The following PLCL2 variants were observed in gnomAD, a reference collection of about 807,000 sequenced individuals.
PLCL2 encodes the protein phospholipase C like 2, also known as inactive phospholipase C-like protein 2.
In PLCL2, 4 loss-of-function variants were observed where a neutral mutation model predicts 79.6. The ratio of observed to expected loss-of-function variants is 0.05; its 90% CI spans 0.02 to 0.11. The LOEUF (loss-of-function observed/expected upper bound fraction) is 0.11, where lower values mean the gene tolerates loss of function less well. Ranked by LOEUF, PLCL2 falls within the 10% of genes least tolerant of loss-of-function variation. The pLI is 1.00. For missense variants in PLCL2, 895 were observed against 1,291.0 expected (o/e 0.69, Z 4.70); for synonymous variants, 484 against 457.7 (o/e 1.06, Z -0.73).
At chr3:17,084,451 AAT>A (rs1419869363) in intron 5 of PLCL2, among the ~76,000 whole-genome samples, 1 of 152,214 alleles carries the variant, frequency 6.6e-6, no homozygotes, top group East Asian at 1.9e-4. Context: ...GTTTTACCTT[AAT>A]ACCAAACCAA....
intron 1 of PLCL2, among the ~76,000 whole-genome samples, chr3:16,903,232 AT>A (rs1210168876): frequency 4.6e-5 from 7 of 152,076 alleles, no homozygotes; most frequent in East Asian, 1.9e-4. Flanking sequence ...ATGATTAATA[AT>A]TTTTTCCCAT....
At chr3:16,964,086 A>G (rs941787259) in intron 1 of PLCL2, among the ~76,000 whole-genome samples, 1 of 152,174 alleles carries the variant, frequency 6.6e-6, no homozygotes, top group Non-Finnish European at 1.5e-5. Flanking sequence ...GGTTTGTTAC[A>G]TATGTATGCA....
At chr3:16,914,190 G>A (rs1696942639) in intron 1 of PLCL2, among the ~76,000 whole-genome samples, 1 of 152,154 alleles carries the variant, frequency 6.6e-6, no homozygotes. Context: ...AAAGTAGTTG[G>A]AGAGAAAATT....
At chr3:17,087,511 GA>G (rs2065232849) in intron 5 of PLCL2, among the ~76,000 whole-genome samples, 1 of 152,238 alleles carries the variant, frequency 6.6e-6, no homozygotes, top group Non-Finnish European at 1.5e-5. Flanking sequence ...AGTGGGGAAG[GA>G]TGACTAGCAA....
intron 1 of PLCL2, among the ~76,000 whole-genome samples, chr3:16,925,218 C>G (rs1236499449): frequency 7.3e-6 from 1 of 136,094 alleles, no homozygotes; most frequent in Non-Finnish European, 1.6e-5. Context: ...CCACCGCGCC[C>G]GGCCAGGGTT....
chr3:17,021,595 T>TACAC (rs35902619), intron 3 of PLCL2, among the ~76,000 whole-genome samples: 25,264 of 146,420 alleles, frequency 0.17, 2,477 homozygotes, highest in Non-Finnish European at 0.24. Flanking sequence ...AAAGTATTCT[T>TACAC]ACACACACAC....
chr3:16,908,618 G>A (rs2124926353), intron 1 of PLCL2, among the ~76,000 whole-genome samples: 1 of 152,228 alleles, frequency 6.6e-6, no homozygotes, highest in South Asian at 2.1e-4. Flanking sequence ...GGGAGGTGGT[G>A]GATAATCTTC....
At chr3:17,016,968 G>A (rs1339055657) in intron 3 of PLCL2, among the ~76,000 whole-genome samples, 1 of 152,216 alleles carries the variant, frequency 6.6e-6, no homozygotes, top group Non-Finnish European at 1.5e-5. Context: ...GGTGATAACA[G>A]CATAACAGGG....
In PLCL2 at chr3:16,896,178, T is replaced by C. The variant is rs191507757; in HGVS notation, c.327+10812T>C. 2.7e-3 allele frequency among the ~76,000 whole-genome samples: 413 copies of C among 152,350 alleles called. 3 individuals carry two copies. The highest frequency in any genetic ancestry group is 9.4e-3 in the African/African-American group (390 of 41,574). The stretch of plus-strand genomic sequence containing the variant: ...CAATTGGTTACTTCCTCCTGCACTA[T>C]TTAGGGCCGTGCCTTTTACAGTTTT... On this transcript the variant is annotated intron_variant, in intron 1 of 5. Coordinates refer to ENST00000615277, the MANE Select transcript of PLCL2 (RefSeq NM_001144382.2).
intron 5 of PLCL2, chr3:17,081,066 A>G: frequency 2.4e-6 from 1 of 423,402 alleles, no homozygotes; most frequent in Non-Finnish European, 4.8e-6. Flanking sequence ...CTCTAAACTC[A>G]GTGTCCTTTT....
intron 1 of PLCL2, among the ~76,000 whole-genome samples, chr3:16,980,256 C>T (rs1277111999): frequency 5.6e-5 from 8 of 143,390 alleles, no homozygotes; most frequent in Admixed American, 1.4e-4. Context: ...GATGGGGCGG[C>T]TGGCCGGGCG....
At chr3:17,076,557 C>T (rs1479224770) in intron 5 of PLCL2, among the ~76,000 whole-genome samples, 2 of 152,032 alleles carry the variant, frequency 1.3e-5, no homozygotes, top group African/African-American at 4.8e-5. Flanking sequence ...GGCTGGAGTG[C>T]AGTGGCGTGA....
intron 3 of PLCL2, among the ~76,000 whole-genome samples, chr3:17,026,829 TAC>T (rs2064522385): frequency 6.6e-6 from 1 of 151,916 alleles, no homozygotes; most frequent in South Asian, 2.1e-4. Flanking sequence ...ATCACACCAC[TAC>T]ACTCCAGTCT....
At chr3:16,937,301 A>G (rs1027381250) in intron 1 of PLCL2, among the ~76,000 whole-genome samples, 3 of 152,236 alleles carry the variant, frequency 2.0e-5, no homozygotes, top group African/African-American at 7.2e-5. Flanking sequence ...ATTAAATTTC[A>G]TAGCATTCCA....
chr3:16,931,037 A>C (rs558058173), intron 1 of PLCL2, among the ~76,000 whole-genome samples: 1 of 152,102 alleles, frequency 6.6e-6, no homozygotes, highest in Admixed American at 6.5e-5. Flanking sequence ...CTTGGAAGAT[A>C]ATGCTTCCTG....
intron 1 of PLCL2, among the ~76,000 whole-genome samples, chr3:16,938,848 G>A (rs1232211624): frequency 6.6e-6 from 1 of 152,128 alleles, no homozygotes; most frequent in African/African-American, 2.4e-5. Context: ...AACAGAGATA[G>A]CTAACACTGT....
chr3:16,979,380 C>T (rs551292688), intron 1 of PLCL2, among the ~76,000 whole-genome samples: 48 of 121,140 alleles, frequency 4.0e-4, no homozygotes, highest in East Asian at 2.9e-3. Flanking sequence ...GGGTGTTTCT[C>T]GCAGAGGGGG....
chr3:17,010,651 C>T lies in PLCL2; in HGVS notation c.1305C>T (p.Tyr435=). 1 of 1,613,920 alleles carries T rather than the reference C, an allele frequency of 6.2e-7. No individual in the cohort carries two copies. The highest frequency in any genetic ancestry group is 8.5e-7 in the Non-Finnish European group (1 of 1,179,790). ...CQDMKQPLSH[Y]FINSSHNTYL... Reference sequence around the variant, plus strand: ...ATATGAAGCAACCTCTGTCTCATTACTTTATAAACTCATCTCATAATACAT... The same window carrying T: ...ATATGAAGCAACCTCTGTCTCATTATTTTATAAACTCATCTCATAATACAT... Residue 435 remains tyrosine, a synonymous_variant, in exon 2 of 6, where the codon TAC becomes TAT. Transcript: ENST00000615277. The surrounding 1 kb of genome is among the most constrained non-coding windows in gnomAD (Gnocchi z 5.8).
intron 1 of PLCL2, among the ~76,000 whole-genome samples, chr3:16,936,784 C>T (rs996580364): frequency 5.9e-5 from 9 of 152,074 alleles, no homozygotes; most frequent in African/African-American, 1.9e-4. Flanking sequence ...GAATCAACTA[C>T]TCTTGGCATA....
Sources: allele counts gnomAD v4.1 joint callset (sites outside exome capture counted in the v4.1 genomes callset), GRCh38; gene constraint gnomAD v4.1.1; non-coding constraint Gnocchi (gnomAD v3.1); transcripts MANE v1.5; gene names NCBI Gene and HGNC (gene_info 2026-07-23, HGNC 2026-07-21).